GFRAL: variants seen among roughly 807,000 people sequenced by gnomAD.
The protein encoded by GFRAL is GDNF family receptor alpha like.
Under a neutral mutation model 45.4 loss-of-function variants are expected in GFRAL, and 36 were observed. The ratio of observed to expected loss-of-function variants is 0.79; its 90% CI spans 0.61 to 1.05. The LOEUF is 1.05. Ranked by LOEUF, GFRAL falls within the 50% of genes least tolerant of loss-of-function variation. The probability of loss-of-function intolerance (pLI) is 0.00; values close to 1 mark genes in which losing one functional copy is unlikely to be tolerated. For synonymous variants in GFRAL, 166 were observed against 154.1 expected (o/e 1.08, Z -0.57); for missense variants, 507 against 467.5 (o/e 1.08, Z -0.78).
intron 3 of GFRAL, among the ~76,000 whole-genome samples, chr6:55,348,656 C>T (rs1353790121): frequency 6.6e-6 from 1 of 152,060 alleles, no homozygotes; most frequent in African/African-American, 2.4e-5. Flanking sequence ...AGACAGCTAG[C>T]TCCCTGAAGT....
intron 4 of GFRAL, among the ~76,000 whole-genome samples, chr6:55,351,052 T>C (rs911695904): frequency 2.0e-5 from 3 of 152,128 alleles, no homozygotes; most frequent in African/African-American, 4.8e-5. Context: ...GTATCCTGTA[T>C]AGATGAAAGA....
intron 6 of GFRAL, among the ~76,000 whole-genome samples, chr6:55,395,173 A>ATATATATATATATAT (rs35935725): frequency 3.9e-5 from 4 of 103,550 alleles, no homozygotes; most frequent in African/African-American, 1.5e-4. Flanking sequence ...AAAAAAAAAA[A>ATATATATATATATAT]AAATATATAT....
rs73436823 is a variant in GFRAL, at chr6:55,329,068, T to C, written c.22+1492T>C. Among the ~76,000 whole-genome samples the C allele has an allele frequency of 3.3e-3, 500 of 152,216 alleles. 3 individuals carry two copies. The highest frequency in any genetic ancestry group is 0.011 in the African/African-American group (467 of 41,566). On this transcript the variant is annotated intron_variant, in intron 1 of 8. Coordinates refer to ENST00000340465, the MANE Select transcript of GFRAL (RefSeq NM_207410.2). Reference sequence around the variant, plus strand: ...TTAATTTAAAAATAGAAGTTATTTTTCATTGAGTATTACAGGAAAATTCTT... The same window carrying C: ...TTAATTTAAAAATAGAAGTTATTTTCCATTGAGTATTACAGGAAAATTCTT...
intron 6 of GFRAL, among the ~76,000 whole-genome samples, chr6:55,379,520 T>A (rs974557061): frequency 2.6e-5 from 4 of 151,884 alleles, no homozygotes; most frequent in Non-Finnish European, 5.9e-5. Context: ...ATATATTTTT[T>A]AAATTGATAT....
At chr6:55,338,099 A>ATTC (rs1187206537) in intron 3 of GFRAL, among the ~76,000 whole-genome samples, 2 of 151,812 alleles carry the variant, frequency 1.3e-5, no homozygotes, top group Non-Finnish European at 2.9e-5. Context: ...TATTATTATT[A>ATTC]TTATATTTTG....
intron 6 of GFRAL, among the ~76,000 whole-genome samples, chr6:55,361,278 T>C (rs1443939387): frequency 1.3e-5 from 2 of 152,030 alleles, no homozygotes; most frequent in African/African-American, 2.4e-5. Flanking sequence ...GAATTGTCCC[T>C]TGGTATCCAT....
chr6:55,398,129 C>T (rs1768850916), intron 6 of GFRAL, among the ~76,000 whole-genome samples: 1 of 152,134 alleles, frequency 6.6e-6, no homozygotes, highest in South Asian at 2.1e-4. Flanking sequence ...CAGTGCATAT[C>T]CCCATCATTA....
In GFRAL at chr6:55,359,111, C is replaced by A. The variant is rs779482423; in HGVS notation, c.925C>A (p.His309Asn). ...GGAATCTTTGTGTAAGATTTTCCAG[C>A]ACATGCTTCATAGAAAATCATGTTT... ...SEESLCKIFQ[H>N]MLHRKSCFNY... Residue 309 changes from histidine (H) to asparagine (N), a missense_variant, in exon 6 of 9, where the codon CAC (histidine) becomes AAC (asparagine). Transcript: ENST00000340465. The A allele has an allele frequency of 1.6e-5, 25 of 1,611,728 alleles. No individual in the cohort carries two copies. The highest frequency in any genetic ancestry group is 1.4e-5 in the Non-Finnish European group (17 of 1,178,660).
chr6:55,344,066 A>C (rs916805428), intron 3 of GFRAL, among the ~76,000 whole-genome samples: 1 of 152,166 alleles, frequency 6.6e-6, no homozygotes, highest in South Asian at 2.1e-4. Flanking sequence ...CCAAAAAAAA[A>C]GTCCAGGACC....
intron 3 of GFRAL, among the ~76,000 whole-genome samples, chr6:55,343,258 A>G (rs1432289691): frequency 2.0e-5 from 3 of 152,176 alleles, no homozygotes; most frequent in African/African-American, 7.2e-5. Context: ...TTATTCGAAA[A>G]TTGACCACAT....
At chr6:55,338,677 G>T (rs1275716365) in intron 3 of GFRAL, among the ~76,000 whole-genome samples, 2 of 152,156 alleles carry the variant, frequency 1.3e-5, no homozygotes, top group Non-Finnish European at 2.9e-5. Context: ...TTTAGGGTAA[G>T]TTGGTTTCAT....
chr6:55,398,718 A>T (rs2127367684), intron 6 of GFRAL, among the ~76,000 whole-genome samples: 1 of 152,286 alleles, frequency 6.6e-6, no homozygotes, highest in South Asian at 2.1e-4. Flanking sequence ...AGGCAAAAAT[A>T]GGTAACAGGA....
At chr6:55,344,897 A>G (rs1241019587) in intron 3 of GFRAL, among the ~76,000 whole-genome samples, 3 of 152,180 alleles carry the variant, frequency 2.0e-5, no homozygotes, top group African/African-American at 7.2e-5. Flanking sequence ...TACACCAATA[A>G]TAGACAAACA....
At position 55,327,823 on chromosome 6, in the gene GFRAL, T is replaced by C. The variant is rs114729093; in HGVS notation, c.22+247T>C. ...TTAATCTCTCAGCTTGTTTCTGTTT[T>C]ATTGTATAGAATGACCCAATGACTT... On this transcript the variant is annotated intron_variant, in intron 1 of 8. Transcript: ENST00000340465. Among the ~76,000 whole-genome samples the C allele has an allele frequency of 9.1e-3, 1,390 of 152,200 alleles. 9 individuals carry two copies. The highest frequency in any genetic ancestry group is 0.027 in the Middle Eastern group (8 of 294).
At chr6:55,335,423 T>C (rs1767878321) in intron 3 of GFRAL, among the ~76,000 whole-genome samples, 1 of 152,152 alleles carries the variant, frequency 6.6e-6, no homozygotes, top group African/African-American at 2.4e-5. Context: ...TTTAAGAGTG[T>C]CTTAAAAAAC....
chr6:55,364,276 G>T (rs1188882023), intron 6 of GFRAL, among the ~76,000 whole-genome samples: 1 of 151,442 alleles, frequency 6.6e-6, no homozygotes, highest in Non-Finnish European at 1.5e-5. Context: ...CCCACTTTTT[G>T]TTGGGATTGT....
intron 3 of GFRAL, among the ~76,000 whole-genome samples, chr6:55,349,244 A>G (rs1207494140): frequency 6.6e-6 from 1 of 152,186 alleles, no homozygotes; most frequent in Admixed American, 6.6e-5. Context: ...GCACTAGACT[A>G]GCAGGCAGGA....
rs748525085 is a variant in GFRAL at position 55,331,755 on chromosome 6, C to A, written c.63C>A (p.Thr21=). 2.5e-6 allele frequency: 4 copies of A among 1,610,708 alleles called. No homozygotes were observed. The highest frequency in any genetic ancestry group is 1.7e-6 in the Non-Finnish European group (2 of 1,178,528). Residue 21 remains threonine, a synonymous_variant, in exon 2 of 9, where the codon ACC becomes ACA. Transcript: ENST00000340465. ...TGGAAAATGAATACACTTCCCAAACCAATAATTGCACATATTTAAGAGAGC... is the reference window on the plus strand; with the variant it reads ...TGGAAAATGAATACACTTCCCAAACAAATAATTGCACATATTTAAGAGAGC... ...LSLENEYTSQ[T]NNCTYLREQC...
At chr6:55,341,254 C>T (rs1767960657) in intron 3 of GFRAL, among the ~76,000 whole-genome samples, 1 of 152,206 alleles carries the variant, frequency 6.6e-6, no homozygotes. Flanking sequence ...CCCAAGTAGC[C>T]TAACTGGGAG....
Sources: allele counts gnomAD v4.1 joint callset (sites outside exome capture counted in the v4.1 genomes callset), GRCh38; gene constraint gnomAD v4.1.1; transcripts MANE v1.5; gene names NCBI Gene and HGNC (gene_info 2026-07-23, HGNC 2026-07-21).